Variants in SLC25A31 observed in about 807,000 individuals in gnomAD.
The protein encoded by SLC25A31 is solute carrier family 25 member 31.
SLC25A31 carries 40 observed loss-of-function variants against 36.2 expected under a neutral mutation model. The ratio of observed to expected loss-of-function variants is 1.10; its 90% CI spans 0.86 to 1.44. The LOEUF is 1.44. Among genes scored for constraint, SLC25A31 ranks in the 40% most tolerant of loss-of-function variants. The probability of loss-of-function intolerance (pLI) is 0.00; values close to 1 mark genes in which losing one functional copy is unlikely to be tolerated. For missense variants in SLC25A31, 350 were observed against 397.1 expected (o/e 0.88, Z 1.01); for synonymous variants, 143 against 149.7 (o/e 0.96, Z 0.32).
chr4:127,755,634 G>A (rs1276044692), intron 2 of SLC25A31, among the ~76,000 whole-genome samples: 2 of 152,116 alleles, frequency 1.3e-5, no homozygotes, highest in South Asian at 2.1e-4. Flanking sequence ...AAATATGAAA[G>A]ATATGCGTGA....
Position 127,740,479 on chromosome 4 carries a change from C to T in SLC25A31, c.233-4193C>T, listed in dbSNP as rs572300526. Among the ~76,000 whole-genome samples, 12 of 152,306 alleles carry T rather than the reference C, an allele frequency of 7.9e-5. No homozygotes were observed. In the East Asian group the frequency reaches 2.3e-3, roughly 29 times the overall value. On this transcript the variant is annotated intron_variant, in intron 1 of 5. Coordinates refer to ENST00000281154, the MANE Select transcript of SLC25A31 (RefSeq NM_031291.4). Reference sequence around the variant, plus strand: ...ACAGGCCAGTAGATAGCATGTACAGCTGAGTCAACTGAGGCAAACACAGCT... The same window carrying T: ...ACAGGCCAGTAGATAGCATGTACAGTTGAGTCAACTGAGGCAAACACAGCT...
chr4:127,744,007 T>C (rs1731778027), intron 1 of SLC25A31, among the ~76,000 whole-genome samples: 1 of 152,188 alleles, frequency 6.6e-6, no homozygotes, highest in African/African-American at 2.4e-5. Flanking sequence ...GGCAGCTCTA[T>C]ATCATAAGGA....
intron 1 of SLC25A31, among the ~76,000 whole-genome samples, chr4:127,742,418 A>C (rs1731748124): frequency 6.6e-6 from 1 of 152,186 alleles, no homozygotes; most frequent in Admixed American, 6.5e-5. Context: ...CTGTTGACCA[A>C]GTCCTTCTTC....
At chr4:127,761,161 T>G (rs977141479) in intron 2 of SLC25A31, among the ~76,000 whole-genome samples, 30 of 152,180 alleles carry the variant, frequency 2.0e-4, no homozygotes, top group African/African-American at 7.0e-4. Flanking sequence ...CGTCACTACA[T>G]AGATCGGCCA....
chr4:127,764,868 C>T (rs541252602), intron 3 of SLC25A31, among the ~76,000 whole-genome samples: 34 of 152,090 alleles, frequency 2.2e-4, no homozygotes, highest in Admixed American at 1.6e-3. Flanking sequence ...TTGTCTTACC[C>T]TCTCAAAAAG....
At chr4:127,752,971 A>G (rs1337029033) in intron 2 of SLC25A31, among the ~76,000 whole-genome samples, 1 of 152,230 alleles carries the variant, frequency 6.6e-6, no homozygotes, top group African/African-American at 2.4e-5. Flanking sequence ...GCAAGTCTTA[A>G]CAAATTTAAG....
intron 2 of SLC25A31, among the ~76,000 whole-genome samples, chr4:127,755,383 A>G (rs1252630602): frequency 6.6e-6 from 1 of 152,178 alleles, no homozygotes; most frequent in Non-Finnish European, 1.5e-5. Context: ...ATATTTGCCA[A>G]AAAAAATCTG....
chr4:127,769,847 A>C (rs959558081), intron 5 of SLC25A31, among the ~76,000 whole-genome samples: 4 of 152,230 alleles, frequency 2.6e-5, no homozygotes, highest in African/African-American at 9.6e-5. Context: ...TAGGGGGAAA[A>C]TCGTACACAG....
At chr4:127,741,721 G>A (rs1243262788) in intron 1 of SLC25A31, among the ~76,000 whole-genome samples, 1 of 151,996 alleles carries the variant, frequency 6.6e-6, no homozygotes, top group Non-Finnish European at 1.5e-5. Flanking sequence ...GGGTAATGTT[G>A]GCCTTGTAAA....
chr4:127,732,487 A>G (rs1731545540), intron 1 of SLC25A31, among the ~76,000 whole-genome samples: 1 of 152,186 alleles, frequency 6.6e-6, no homozygotes, highest in Admixed American at 6.5e-5. Flanking sequence ...TTTATATTCT[A>G]AGACTTCTGA....
chr4:127,746,839 T>C (rs1560633874), intron 2 of SLC25A31, among the ~76,000 whole-genome samples: 1 of 152,224 alleles, frequency 6.6e-6, no homozygotes, highest in Non-Finnish European at 1.5e-5. Context: ...TTTCATGAAA[T>C]CTTTGCCCAT....
At chr4:127,733,089 A>G (rs1731560320) in intron 1 of SLC25A31, among the ~76,000 whole-genome samples, 1 of 152,208 alleles carries the variant, frequency 6.6e-6, no homozygotes, top group African/African-American at 2.4e-5. Context: ...TGATTTACTT[A>G]TAAACACATT....
rs777649541 is a variant in SLC25A31, at chr4:127,744,636, A to G, written c.233-36A>G. 18 of 1,554,762 alleles carry G rather than the reference A, an allele frequency of 1.2e-5. No homozygotes were observed. The African/African-American group carries it at 1.2e-4, about 11-fold the overall frequency. ...ACTATGGCAATTGTTTAATAATACA[A>G]TGTAGGTTTATGTATTTATATGTTT... is the stretch of plus-strand genomic sequence containing the variant. On this transcript the variant is annotated intron_variant, in intron 1 of 5. Coordinates refer to ENST00000281154, the MANE Select transcript of SLC25A31 (RefSeq NM_031291.4).
At chr4:127,767,289 C>A in intron 4 of SLC25A31, 69 bp downstream of exon 4, 1 of 1,242,540 alleles carries the variant, frequency 8.0e-7, no homozygotes, top group Admixed American at 2.8e-5. Flanking sequence ...GTAATGTTTT[C>A]AGCAGATATG....
At chr4:127,740,805 C>T (rs1731717262) in intron 1 of SLC25A31, among the ~76,000 whole-genome samples, 1 of 152,226 alleles carries the variant, frequency 6.6e-6, no homozygotes, top group African/African-American at 2.4e-5. Flanking sequence ...GCCTGGAGAT[C>T]TGCCTGTGTA....
intron 2 of SLC25A31, among the ~76,000 whole-genome samples, chr4:127,763,878 A>G (rs554497499): frequency 6.6e-6 from 1 of 152,294 alleles, no homozygotes; most frequent in East Asian, 1.9e-4. Flanking sequence ...CATTGTAATC[A>G]TAGCAAGCAC....
chr4:127,741,123 G>T (rs569771343), intron 1 of SLC25A31, among the ~76,000 whole-genome samples: 1 of 152,244 alleles, frequency 6.6e-6, no homozygotes, highest in East Asian at 1.9e-4. Context: ...TGAATTATTA[G>T]TCTAATAGTT....
Position 127,773,859 on chromosome 4 carries a change from C to A in SLC25A31, c.*285C>A. On this transcript the variant is annotated 3_prime_UTR_variant, in exon 6 of 6. Transcript: ENST00000281154. ...ATTCTTTTTATGATTAAAAATTAAT[C>A]ATATAATCCTAGATTAATGCTGAAA... The A allele has an allele frequency of 4.5e-6, 1 of 221,238 alleles. No homozygotes were observed. The highest frequency in any genetic ancestry group is 1.6e-3 in the Middle Eastern group (1 of 636). The allele number at this position is 221,238 out of a possible 1,614,324, so 13.7% of individuals were successfully genotyped here. A position where few individuals can be genotyped will look rare whatever the true frequency, so the allele number is the denominator to read the frequency against.
At chr4:127,743,615 G>A (rs1271272656) in intron 1 of SLC25A31, among the ~76,000 whole-genome samples, 1 of 152,172 alleles carries the variant, frequency 6.6e-6, no homozygotes, top group Non-Finnish European at 1.5e-5. Flanking sequence ...GAATACTCTA[G>A]TAAAGATGGA....
Sources: allele counts gnomAD v4.1 joint callset (sites outside exome capture counted in the v4.1 genomes callset), GRCh38; gene constraint gnomAD v4.1.1; transcripts MANE v1.5; gene names NCBI Gene and HGNC (gene_info 2026-07-23, HGNC 2026-07-21).